LHFPL3: variants seen among roughly 807,000 people sequenced by gnomAD.
LHFPL3 encodes LHFPL tetraspan subfamily member 3.
LHFPL3 carries 5 observed loss-of-function variants against 19.3 expected under a neutral mutation model. The ratio of observed to expected loss-of-function variants is 0.26; its 90% confidence interval spans 0.14 to 0.54. The LOEUF (loss-of-function observed/expected upper bound fraction) is 0.54, where lower values mean the gene tolerates loss of function less well. LHFPL3 is among the 20% of genes least tolerant of loss of function. The pLI is 0.94. For missense variants in LHFPL3, 249 were observed against 307.4 expected (o/e 0.81, Z 1.42); for synonymous variants, 133 against 126.2 (o/e 1.05, Z -0.36).
chr7:104,395,368 T>C (rs1989823), intron 1 of LHFPL3, among the ~76,000 whole-genome samples: 58,702 of 152,058 alleles, frequency 0.39, 11,760 homozygotes, highest in Admixed American at 0.5. Flanking sequence ...TGCTCACACA[T>C]TTCCCAATTC....
Position 104,558,872 on chromosome 7 carries a change from G to A in LHFPL3, c.446-177803G>A, listed in dbSNP as rs1445731499. On this transcript the variant is annotated intron_variant, in intron 1 of 2. Transcript: ENST00000424859. Reference sequence around the variant, plus strand: ...GATTTTTGTGTAAGGTGTAAGGAAGGGATCCAGTTTCAGCTTTCTACATAT... The same window carrying A: ...GATTTTTGTGTAAGGTGTAAGGAAGAGATCCAGTTTCAGCTTTCTACATAT... 2.1e-5 allele frequency among the ~76,000 whole-genome samples: 3 copies of A among 144,802 alleles called. 1 individual carries two copies. Among genetic ancestry groups the A allele is most frequent in the Admixed American group, 1.3e-4 (2 of 14,966 alleles). The allele number at this position is 144,802 out of a possible 152,430, so 95.0% of individuals were successfully genotyped here.
rs139266035 is a variant in LHFPL3 at position 104,885,578 on chromosome 7, G to A, written c.683-20609G>A. On this transcript the variant is annotated intron_variant, in intron 2 of 2. Transcript: ENST00000424859. The stretch of plus-strand genomic sequence containing the variant: ...CCTATCGCCAAATCCTACTGACTCT[G>A]CCTTAAAAACGCATCTTAAATCTGA... Among the ~76,000 whole-genome samples, 87 of 152,090 alleles carry A rather than the reference G, an allele frequency of 5.7e-4. 2 individuals carry two copies. Among genetic ancestry groups the A allele is most frequent in the Middle Eastern group, 3.4e-3 (1 of 294 alleles).
intron 1 of LHFPL3, among the ~76,000 whole-genome samples, chr7:104,476,591 G>A (rs1793022812): frequency 6.6e-6 from 1 of 152,068 alleles, no homozygotes; most frequent in African/African-American, 2.4e-5. Context: ...CTCCTGAGTA[G>A]CTGGGATTAC....
intron 2 of LHFPL3, among the ~76,000 whole-genome samples, chr7:104,782,278 T>C (rs1321858200): frequency 3.3e-5 from 5 of 152,192 alleles, no homozygotes; most frequent in East Asian, 3.8e-4. Context: ...AGTTTAGCAA[T>C]TGAAGAACAA....
chr7:104,749,637 C>T (rs769480397), intron 2 of LHFPL3, among the ~76,000 whole-genome samples: 95 of 149,884 alleles, frequency 6.3e-4, no homozygotes, highest in African/African-American at 8.3e-4. Flanking sequence ...ACGGCGTTTA[C>T]GGCCCTTAAG....
At position 104,728,366 on chromosome 7, in the gene LHFPL3, G is replaced by T. The variant is rs574145144; in HGVS notation, c.446-8309G>T. 2.0e-5 allele frequency among the ~76,000 whole-genome samples: 3 copies of T among 152,242 alleles called. No individual in the cohort carries two copies. In the East Asian group the frequency reaches 5.8e-4, roughly 29 times the overall value. On this transcript the variant is annotated intron_variant, in intron 1 of 2. Transcript: ENST00000424859. Reference sequence around the variant, plus strand: ...TAGTCACAGAACTCTAACTCAGTGTGGCTAAGCTACATACCCTGGAAACAG... The same window carrying T: ...TAGTCACAGAACTCTAACTCAGTGTTGCTAAGCTACATACCCTGGAAACAG...
chr7:104,677,328 G>A (rs1792610393), intron 1 of LHFPL3, among the ~76,000 whole-genome samples: 2 of 149,100 alleles, frequency 1.3e-5, no homozygotes, highest in Admixed American at 1.3e-4. Context: ...AGCAGGCTAT[G>A]ATCATACCAC....
chr7:104,707,138 A>AC, intron 1 of LHFPL3, among the ~76,000 whole-genome samples: 1 of 152,326 alleles, frequency 6.6e-6, no homozygotes, highest in East Asian at 1.9e-4. Context: ...AACCCAATAT[A>AC]CGAATGTGTC....
chr7:104,878,648 T>C (rs575274660), intron 2 of LHFPL3, among the ~76,000 whole-genome samples: 24 of 152,300 alleles, frequency 1.6e-4, no homozygotes, highest in African/African-American at 5.8e-4. Context: ...CTAAACAGTG[T>C]TTAAGTGAGA....
rs553183261 is a variant in LHFPL3, at chr7:104,698,715, G to A, written c.446-37960G>A. Among the ~76,000 whole-genome samples, 3 of 152,294 alleles carry A rather than the reference G, an allele frequency of 2.0e-5. No homozygotes were observed. In the East Asian group the frequency reaches 5.8e-4, roughly 29 times the overall value. On this transcript the variant is annotated intron_variant, in intron 1 of 2. Transcript: ENST00000424859. ...AAAATACATTATGGTACATCCAGAT[G>A]AAGGAATATTATTCAGCACTAAAAA...
chr7:104,338,534 A>G (rs1789883075), intron 1 of LHFPL3, among the ~76,000 whole-genome samples: 1 of 152,230 alleles, frequency 6.6e-6, no homozygotes, highest in South Asian at 2.1e-4. Context: ...AAGATGATTT[A>G]GTGTGAATTT....
chr7:104,529,999 A>C (rs960889225), intron 1 of LHFPL3, among the ~76,000 whole-genome samples: 3 of 152,200 alleles, frequency 2.0e-5, no homozygotes, highest in African/African-American at 7.2e-5. Context: ...GATTGCTTCA[A>C]CTGCTTTTCA....
At chr7:104,471,635 A>C (rs781694958) in intron 1 of LHFPL3, among the ~76,000 whole-genome samples, 3 of 152,286 alleles carry the variant, frequency 2.0e-5, no homozygotes, top group Non-Finnish European at 4.4e-5. Flanking sequence ...CTCAGATAAA[A>C]TGTTTTCTAC....
At chr7:104,853,936 A>G (rs1791455719) in intron 2 of LHFPL3, among the ~76,000 whole-genome samples, 2 of 152,210 alleles carry the variant, frequency 1.3e-5, no homozygotes, top group Non-Finnish European at 2.9e-5. Context: ...CCCACCAGAG[A>G]AAAAAAGGAA....
At chr7:104,595,595 A>G (rs567911969) in intron 1 of LHFPL3, among the ~76,000 whole-genome samples, 17 of 152,324 alleles carry the variant, frequency 1.1e-4, no homozygotes, top group African/African-American at 4.1e-4. Flanking sequence ...CTCTCTTCAG[A>G]GCTGTCAGAC....
At chr7:104,859,194 G>A (rs1791567467) in intron 2 of LHFPL3, among the ~76,000 whole-genome samples, 1 of 150,746 alleles carries the variant, frequency 6.6e-6, no homozygotes, top group South Asian at 2.1e-4. Context: ...TTGAACCCAG[G>A]AAGTGGAGGT....
chr7:104,777,655 A>G (rs1266419376), intron 2 of LHFPL3, among the ~76,000 whole-genome samples: 3 of 152,206 alleles, frequency 2.0e-5, no homozygotes, highest in Non-Finnish European at 2.9e-5. Flanking sequence ...ACTACAGAGA[A>G]TATCATTTGT....
intron 1 of LHFPL3, among the ~76,000 whole-genome samples, chr7:104,469,137 G>T (rs1305615621): frequency 6.6e-6 from 1 of 152,150 alleles, no homozygotes; most frequent in Non-Finnish European, 1.5e-5. Context: ...GGAGTAAATA[G>T]AGTGAGTGCA....
intron 1 of LHFPL3, among the ~76,000 whole-genome samples, chr7:104,466,891 C>T (rs533182353): frequency 6.6e-6 from 1 of 152,272 alleles, no homozygotes; most frequent in African/African-American, 2.4e-5. Flanking sequence ...TCTGAAGAAT[C>T]ATATTTCTGA....
Sources: gnomAD v4.1 joint callset for allele counts (sites outside exome capture counted in the v4.1 genomes callset) on GRCh38, gnomAD v4.1.1 for gene constraint, MANE v1.5 for transcripts, NCBI Gene and HGNC (gene_info 2026-07-23, HGNC 2026-07-21) for gene names.